BTBD9: variants seen among roughly 807,000 people sequenced by gnomAD.
BTBD9 encodes the protein BTB/POZ domain-containing protein 9.
A neutral mutation model predicts 64.3 loss-of-function variants in BTBD9; 49 were observed. The ratio of observed to expected loss-of-function variants is 0.76; its 90% CI spans 0.61 to 0.97. BTBD9 has a LOEUF of 0.97. Ranked by LOEUF, BTBD9 falls within the 50% of genes least tolerant of loss-of-function variation. The pLI is 0.00. For synonymous variants in BTBD9, 260 were observed against 274.7 expected, an observed-to-expected ratio of 0.95 and a Z score of 0.53; for missense variants, 598 against 762.1, an observed-to-expected ratio of 0.78 and a Z score of 2.53.
At position 38,528,507 on chromosome 6, in the gene BTBD9, T is replaced by C. The variant is rs550009428; in HGVS notation, c.1154+49093A>G. On this transcript the variant is annotated intron_variant, in intron 6 of 10. Transcript: ENST00000481247. ...TCCCAAGCAGCACAGCTCGCAGCTC[T>C]CAGAGAGACTTCTTACCTCTGTTTG... is the stretch of plus-strand genomic sequence containing the variant. 2.1e-4 allele frequency among the ~76,000 whole-genome samples: 32 copies of C among 152,238 alleles called. No individual in the cohort carries two copies. In the South Asian group the frequency reaches 6.0e-3, roughly 29 times the overall value.
chr6:38,625,833 T>C (rs78959993), intron 1 of BTBD9, among the ~76,000 whole-genome samples: 2,376 of 152,316 alleles, frequency 0.016, 43 homozygotes, highest in African/African-American at 0.053. Context: ...AAAGGGTAAC[T>C]ATGAGGATAA....
chr6:38,290,221 G>C lies in BTBD9; in HGVS notation c.1265-1760C>G, dbSNP rs549881946. Among the ~76,000 whole-genome samples the C allele has an allele frequency of 1.2e-3, 180 of 150,468 alleles. 1 individual carries two copies. Among genetic ancestry groups the C allele is most frequent in the African/African-American group, 4.2e-3 (170 of 40,902 alleles). ...TTCTGGTGATGAATTCCTTGATTAT[G>C]AAGCTTAATTCCAAAGCAACAAGTA... On this transcript the variant is annotated intron_variant, in intron 7 of 10. Transcript: ENST00000481247.
intron 8 of BTBD9, among the ~76,000 whole-genome samples, chr6:38,266,552 G>A (rs1158768914): frequency 2.0e-5 from 3 of 148,540 alleles, no homozygotes; most frequent in Non-Finnish European, 4.4e-5. Flanking sequence ...CAGCCTGGGC[G>A]ACAAGAGCAA....
intron 4 of BTBD9, among the ~76,000 whole-genome samples, chr6:38,586,955 C>T (rs1003700923): frequency 4.0e-5 from 6 of 151,120 alleles, no homozygotes; most frequent in Non-Finnish European, 7.4e-5. Flanking sequence ...CCCAGCTCCT[C>T]GGGAGGCTGG....
At chr6:38,502,945 A>G (rs1197554203) in intron 6 of BTBD9, among the ~76,000 whole-genome samples, 1 of 152,214 alleles carries the variant, frequency 6.6e-6, no homozygotes, top group Non-Finnish European at 1.5e-5. Flanking sequence ...CTGTAACGCA[A>G]TGTGATAAGT....
chr6:38,412,237 A>G (rs975243174), intron 6 of BTBD9, among the ~76,000 whole-genome samples: 3 of 152,128 alleles, frequency 2.0e-5, no homozygotes, highest in African/African-American at 7.2e-5. Flanking sequence ...TATTCCTAAT[A>G]TATAAAGAAT....
chr6:38,201,579 G>A (rs1213319638), intron 9 of BTBD9, among the ~76,000 whole-genome samples: 1 of 152,182 alleles, frequency 6.6e-6, no homozygotes, highest in Non-Finnish European at 1.5e-5. Context: ...CATAGTACTA[G>A]AAGTCATAGG....
chr6:38,522,569 G>A (rs1238649353), intron 6 of BTBD9, among the ~76,000 whole-genome samples: 1 of 152,204 alleles, frequency 6.6e-6, no homozygotes, highest in Non-Finnish European at 1.5e-5. Flanking sequence ...CAAACCAGAT[G>A]TTCTTCAACA....
intron 6 of BTBD9, among the ~76,000 whole-genome samples, chr6:38,371,557 G>T (rs1765428752): frequency 6.6e-6 from 1 of 152,218 alleles, no homozygotes; most frequent in Non-Finnish European, 1.5e-5. Context: ...CGAGATGGAT[G>T]ACTTCTCAAG....
In BTBD9 at chr6:38,539,739, A is replaced by T. The variant is rs1774182155; in HGVS notation, c.1154+37861T>A. ...CTAAACCAATTCAATTTGGGTATAA[A>T]AACCCACCACAAATAAAATAGAAAG... On this transcript the variant is annotated intron_variant, in intron 6 of 10. Transcript: ENST00000481247. Among the ~76,000 whole-genome samples the T allele has an allele frequency of 3.3e-5, 5 of 152,342 alleles. No homozygotes were observed. The South Asian group carries it at 1.0e-3, about 32-fold the overall frequency.
chr6:38,345,205 C>A (rs1442721125), intron 6 of BTBD9, 112 bp from the exon 7 acceptor site: 4 of 566,062 alleles, frequency 7.1e-6, no homozygotes, highest in African/African-American at 3.7e-5. Context: ...AGGATATAGA[C>A]CAAAGGAGAC....
intron 6 of BTBD9, among the ~76,000 whole-genome samples, chr6:38,475,277 T>C (rs1291094862): frequency 6.6e-6 from 1 of 152,230 alleles, no homozygotes; most frequent in African/African-American, 2.4e-5. Flanking sequence ...TTCCAAATTT[T>C]CTTCAATAGT....
chr6:38,456,273 C>T (rs1191697147), intron 6 of BTBD9, among the ~76,000 whole-genome samples: 1 of 152,206 alleles, frequency 6.6e-6, no homozygotes, highest in Admixed American at 6.5e-5. Flanking sequence ...CATGACTGAG[C>T]CACTGTGCCC....
intron 6 of BTBD9, among the ~76,000 whole-genome samples, chr6:38,378,778 G>A (rs1167978333): frequency 6.6e-6 from 1 of 151,060 alleles, no homozygotes; most frequent in Non-Finnish European, 1.5e-5. Context: ...GGAGGCTGAG[G>A]CAGAAGAATC....
In BTBD9 at chr6:38,580,444, T is replaced by A; in HGVS notation, c.815-7A>T. The A allele has an allele frequency of 6.2e-7, 1 of 1,606,612 alleles. No individual in the cohort carries two copies. The highest frequency in any genetic ancestry group is 1.7e-5 in the Admixed American group (1 of 59,334). The stretch of plus-strand genomic sequence containing the variant: ...GCAATGTTTTCTTCTGGTACTACAG[T>A]TAAAAATAGAAAAAGCAAGGTTAAT... On this transcript the variant is annotated splice_region_variant and splice_polypyrimidine_tract_variant and intron_variant, in intron 4 of 10. Transcript: ENST00000481247.
intron 6 of BTBD9, among the ~76,000 whole-genome samples, chr6:38,465,280 T>TA (rs1388747717): frequency 1.3e-5 from 2 of 150,906 alleles, no homozygotes; most frequent in Non-Finnish European, 3.0e-5. Context: ...GGGCAACAGA[T>TA]AGAGACTGTC....
At chr6:38,619,074 A>T (rs1777897058) in intron 1 of BTBD9, among the ~76,000 whole-genome samples, 1 of 152,248 alleles carries the variant, frequency 6.6e-6, no homozygotes, top group Admixed American at 6.5e-5. Flanking sequence ...TAACTCAGGG[A>T]AAGGAAGAAA....
rs577492116 is a variant in BTBD9 at position 38,255,785 on chromosome 6, G to GTA, written c.1562+622_1562+623dup. 1.9e-3 allele frequency among the ~76,000 whole-genome samples: 288 copies of GTA among 152,202 alleles called. 1 individual carries two copies. Among genetic ancestry groups the GTA allele is most frequent in the African/African-American group, 6.4e-3 (265 of 41,502 alleles). On this transcript the variant is annotated intron_variant, in intron 9 of 10. Coordinates refer to ENST00000481247, the MANE Select transcript of BTBD9 (RefSeq NM_001099272.2). Reference sequence around the variant, plus strand: ...ATAGAGCCCCATAATAACTACTGAAGTATGTATTGCTTCAGCAAAGTTCTC... The same window carrying GTA: ...ATAGAGCCCCATAATAACTACTGAAGTATATGTATTGCTTCAGCAAAGTTCTC...
At chr6:38,221,634 G>T (rs1475580048) in intron 9 of BTBD9, among the ~76,000 whole-genome samples, 2 of 152,200 alleles carry the variant, frequency 1.3e-5, no homozygotes, top group Non-Finnish European at 1.5e-5. Flanking sequence ...GAAAAGAACA[G>T]TAATAACAAC....
Sources: gnomAD v4.1 joint callset for allele counts (sites outside exome capture counted in the v4.1 genomes callset) on GRCh38, gnomAD v4.1.1 for gene constraint, MANE v1.5 for transcripts, NCBI Gene and HGNC (gene_info 2026-07-23, HGNC 2026-07-21) for gene names.